Variants in CBFA2T2 observed in about 807,000 individuals in gnomAD.
CBFA2T2 encodes the protein protein CBFA2T2.
CBFA2T2 carries 11 observed loss-of-function variants against 62.2 expected under a neutral mutation model. The ratio of observed to expected loss-of-function variants is 0.18; its 90% confidence interval spans 0.11 to 0.29. The LOEUF (loss-of-function observed/expected upper bound fraction) is 0.29. Among genes scored for constraint, CBFA2T2 ranks in the 10% least tolerant of loss-of-function variants. The probability of loss-of-function intolerance (pLI) is 1.00; values close to 1 mark genes in which losing one functional copy is unlikely to be tolerated. For missense variants in CBFA2T2, 592 were observed against 774.1 expected (o/e 0.76, Z 2.79); for synonymous variants, 295 against 287.5 (o/e 1.03, Z -0.27).
At chr20:33,533,510 T>G (rs1230490738) in intron 1 of CBFA2T2, among the ~76,000 whole-genome samples, 1 of 152,232 alleles carries the variant, frequency 6.6e-6, no homozygotes, top group Non-Finnish European at 1.5e-5. Context: ...ATTTTATTGT[T>G]GAGTAGTATT....
intron 6 of CBFA2T2, among the ~76,000 whole-genome samples, 154 bp downstream of exon 6, chr20:33,625,171 A>C (rs1340053461): frequency 6.6e-6 from 1 of 151,972 alleles, no homozygotes; most frequent in East Asian, 1.9e-4. Flanking sequence ...ATCTTATTTG[A>C]TATCAATCTC....
At chr20:33,637,235 T>C (rs914470006) in intron 9 of CBFA2T2, among the ~76,000 whole-genome samples, 1 of 152,222 alleles carries the variant, frequency 6.6e-6, no homozygotes, top group Non-Finnish European at 1.5e-5. Context: ...AGGATGAACC[T>C]CACATCACTA....
intron 1 of CBFA2T2, among the ~76,000 whole-genome samples, chr20:33,547,162 T>A (rs920703478): frequency 5.3e-5 from 8 of 152,078 alleles, no homozygotes; most frequent in Non-Finnish European, 1.2e-4. Flanking sequence ...ATTGTGCAGT[T>A]GCACTCTAGC....
intron 1 of CBFA2T2, among the ~76,000 whole-genome samples, chr20:33,583,649 G>C (rs1370030514): frequency 6.6e-6 from 1 of 152,082 alleles, no homozygotes; most frequent in Non-Finnish European, 1.5e-5. Flanking sequence ...AAGTCAACTT[G>C]TTTGGATTTA....
intron 1 of CBFA2T2, among the ~76,000 whole-genome samples, chr20:33,568,278 A>T (rs1038559400): frequency 6.6e-6 from 1 of 152,198 alleles, no homozygotes; most frequent in Non-Finnish European, 1.5e-5. Flanking sequence ...AAAAACATTG[A>T]AGTCACAATA....
At chr20:33,565,820 G>A (rs1391623081) in intron 1 of CBFA2T2, among the ~76,000 whole-genome samples, 1 of 152,192 alleles carries the variant, frequency 6.6e-6, no homozygotes, top group Admixed American at 6.5e-5. Flanking sequence ...TTGTTGGACT[G>A]GAGGCACATA....
intron 1 of CBFA2T2, among the ~76,000 whole-genome samples, chr20:33,561,020 G>A (rs2013069249): frequency 6.6e-6 from 1 of 152,088 alleles, no homozygotes; most frequent in African/African-American, 2.4e-5. Flanking sequence ...TGGGATTACA[G>A]GTGCGTACCA....
At chr20:33,567,823 A>G (rs938625702) in intron 1 of CBFA2T2, among the ~76,000 whole-genome samples, 1 of 152,158 alleles carries the variant, frequency 6.6e-6, no homozygotes, top group Non-Finnish European at 1.5e-5. Flanking sequence ...ACCTCAGGTG[A>G]TCTACCCGCT....
chr20:33,573,462 G>A (rs2013662613), intron 1 of CBFA2T2, among the ~76,000 whole-genome samples: 1 of 151,750 alleles, frequency 6.6e-6, no homozygotes, highest in Non-Finnish European at 1.5e-5. Flanking sequence ...CAGTTTTTGA[G>A]TACTACTTCT....
chr20:33,567,092 T>A (rs2013351477), intron 1 of CBFA2T2, among the ~76,000 whole-genome samples: 1 of 152,234 alleles, frequency 6.6e-6, no homozygotes. Flanking sequence ...AACTGGTGTT[T>A]GTATTTTCAC....
intron 1 of CBFA2T2, among the ~76,000 whole-genome samples, chr20:33,586,146 CATT>C (rs1193748333): frequency 6.6e-6 from 1 of 152,086 alleles, no homozygotes; most frequent in Non-Finnish European, 1.5e-5. Context: ...TGATTATTAT[CATT>C]ATTATCACTG....
chr20:33,559,193 T>TTTTC (rs1555835221), intron 1 of CBFA2T2, among the ~76,000 whole-genome samples: 8 of 144,006 alleles, frequency 5.6e-5, no homozygotes, highest in African/African-American at 2.2e-4. Context: ...TTTTTTTTTT[T>TTTTC]CTGAGATGGA....
intron 1 of CBFA2T2, among the ~76,000 whole-genome samples, chr20:33,586,552 G>A (rs1029155628): frequency 1.3e-5 from 2 of 152,112 alleles, no homozygotes; most frequent in South Asian, 2.1e-4. Context: ...GCAGAACCTG[G>A]TTGTATGTGA....
At chr20:33,490,736 C>A (rs1424627157) in intron 1 of CBFA2T2, among the ~76,000 whole-genome samples, 1 of 152,174 alleles carries the variant, frequency 6.6e-6, no homozygotes, top group Non-Finnish European at 1.5e-5. Context: ...TAGTTGGCTA[C>A]CTGGGTTCAC....
chr20:33,590,678 A>G (rs1219478907), intron 1 of CBFA2T2, among the ~76,000 whole-genome samples: 1 of 152,062 alleles, frequency 6.6e-6, no homozygotes, highest in Non-Finnish European at 1.5e-5. Context: ...CCAGTCATGG[A>G]TATTGTCCTG....
chr20:33,538,379 C>CT lies in CBFA2T2; in HGVS notation c.34+48088dup, dbSNP rs576796474. On this transcript the variant is annotated intron_variant, in intron 1 of 10. Transcript: ENST00000342704. ...CATTGGATTTTCTTTTTTCTTTTTC[C>CT]TTTTTTTTTTGAGATGGAGTCCTGC... Among the ~76,000 whole-genome samples, 876 of 146,796 alleles carry CT rather than the reference C, an allele frequency of 6.0e-3. 8 individuals carry two copies. Among genetic ancestry groups the CT allele is most frequent in the Non-Finnish European group, 7.5e-3 (498 of 66,340 alleles).
intron 1 of CBFA2T2, among the ~76,000 whole-genome samples, chr20:33,567,703 C>T (rs1568823470): frequency 6.6e-6 from 1 of 152,196 alleles, no homozygotes; most frequent in East Asian, 1.9e-4. Context: ...CTGTCTCAGC[C>T]TCCCAAGTAG....
At chr20:33,615,940 G>C (rs987594564) in intron 3 of CBFA2T2, among the ~76,000 whole-genome samples, 2 of 152,138 alleles carry the variant, frequency 1.3e-5, no homozygotes, top group South Asian at 4.1e-4. Context: ...AGCTGGCATA[G>C]TGGAGTATGC....
chr20:33,520,051 A>G (rs2011689009), intron 1 of CBFA2T2, among the ~76,000 whole-genome samples: 1 of 152,128 alleles, frequency 6.6e-6, no homozygotes, highest in South Asian at 2.1e-4. Context: ...AGGCTGAGGC[A>G]GGAGAATCGC....
Sources: allele counts gnomAD v4.1 joint callset (sites outside exome capture counted in the v4.1 genomes callset), GRCh38; gene constraint gnomAD v4.1.1; transcripts MANE v1.5; gene names NCBI Gene and HGNC (gene_info 2026-07-23, HGNC 2026-07-21).